The following RNF138 variants were observed in gnomAD, a reference collection of about 807,000 sequenced individuals.
RNF138 encodes the protein E3 ubiquitin-protein ligase RNF138.
A neutral mutation model predicts 31.0 loss-of-function variants in RNF138; 12 were observed. The observed-to-expected ratio is 0.39, with a 90% CI of 0.25 to 0.63. The LOEUF is 0.63. Among genes scored for constraint, RNF138 ranks in the 20% least tolerant of loss-of-function variants. RNF138 has a pLI of 0.52. For synonymous variants in RNF138, 105 were observed against 99.5 expected, an observed-to-expected ratio of 1.06 and a Z score of -0.33; for missense variants, 192 against 300.1, an observed-to-expected ratio of 0.64 and a Z score of 2.66.
At chr18:32,101,411 AAAT>A (rs2039938228) in intron 2 of RNF138, among the ~76,000 whole-genome samples, 1 of 151,306 alleles carries the variant, frequency 6.6e-6, no homozygotes, top group Admixed American at 6.6e-5. Flanking sequence ...ATATATTTTT[AAAT>A]TAGAGTCAGG....
intron 5 of RNF138, 55 bp from the exon 6 acceptor site, chr18:32,124,679 C>G: frequency 1.2e-6 from 1 of 845,636 alleles, no homozygotes; most frequent in Non-Finnish European, 2.0e-6. Flanking sequence ...AATAGGAGAG[C>G]GTTATTTTTG....
chr18:32,116,435 C>T (rs1027708032), intron 4 of RNF138, among the ~76,000 whole-genome samples: 9 of 150,538 alleles, frequency 6.0e-5, no homozygotes, highest in East Asian at 3.9e-4. Flanking sequence ...ATATCCTTTG[C>T]GGAGTTCTGA....
intron 4 of RNF138, among the ~76,000 whole-genome samples, chr18:32,117,191 C>G (rs887043891): frequency 1.3e-5 from 2 of 152,054 alleles, no homozygotes; most frequent in Non-Finnish European, 2.9e-5. Context: ...CATGAACCAC[C>G]CGCGCCCAGC....
intron 4 of RNF138, among the ~76,000 whole-genome samples, chr18:32,119,435 AT>A (rs1568237947): frequency 6.6e-6 from 1 of 150,764 alleles, no homozygotes; most frequent in Admixed American, 6.6e-5. Context: ...TATTTATTTT[AT>A]TTTTTTGAGA....
intron 6 of RNF138, 55 bp downstream of exon 6, chr18:32,124,900 T>C: frequency 2.3e-6 from 2 of 864,906 alleles, no homozygotes; most frequent in Non-Finnish European, 3.9e-6. Context: ...TGCTGTTCTA[T>C]TTATTTCACT....
intron 2 of RNF138, among the ~76,000 whole-genome samples, chr18:32,104,613 T>C (rs990074849): frequency 3.3e-5 from 5 of 152,116 alleles, no homozygotes; most frequent in African/African-American, 1.2e-4. Context: ...CAACAACATA[T>C]CTTTATACCA....
intron 2 of RNF138, among the ~76,000 whole-genome samples, chr18:32,094,844 T>C (rs2039776766): frequency 6.6e-6 from 1 of 152,224 alleles, no homozygotes; most frequent in African/African-American, 2.4e-5. Flanking sequence ...CTTTGGGTCA[T>C]TGACCTAATG....
intron 2 of RNF138, among the ~76,000 whole-genome samples, chr18:32,101,726 C>G (rs533663326): frequency 6.6e-6 from 1 of 152,094 alleles, no homozygotes; most frequent in Non-Finnish European, 1.5e-5. Context: ...GCCATTAGTA[C>G]TATAAAAGTA....
intron 4 of RNF138, among the ~76,000 whole-genome samples, chr18:32,120,235 C>T (rs186977040): frequency 9.2e-5 from 14 of 152,042 alleles, no homozygotes; most frequent in African/African-American, 3.1e-4. Context: ...TCAGTATTAC[C>T]CTGAATTTAA....
intron 2 of RNF138, among the ~76,000 whole-genome samples, chr18:32,098,218 C>G (rs572977836): frequency 9.2e-5 from 14 of 152,186 alleles, no homozygotes; most frequent in African/African-American, 3.4e-4. Context: ...GAACTCCAGG[C>G]TGGTTTTGAA....
intron 2 of RNF138, among the ~76,000 whole-genome samples, chr18:32,106,426 T>G (rs951315267): frequency 6.6e-6 from 1 of 152,220 alleles, no homozygotes; most frequent in African/African-American, 2.4e-5. Context: ...CACATCATTC[T>G]ATTTGTCATT....
chr18:32,097,311 A>G (rs2039826802), intron 2 of RNF138, among the ~76,000 whole-genome samples: 1 of 152,160 alleles, frequency 6.6e-6, no homozygotes, highest in Non-Finnish European at 1.5e-5. Context: ...TAAAAATGGA[A>G]ATCTAATCTG....
intron 7 of RNF138, among the ~76,000 whole-genome samples, chr18:32,127,721 G>A (rs1415275384): frequency 6.6e-6 from 1 of 152,102 alleles, no homozygotes; most frequent in African/African-American, 2.4e-5. Context: ...AATGTATTTG[G>A]AAATACAAAA....
At chr18:32,122,441 C>G (rs1389812315) in intron 4 of RNF138, 2 of 151,186 alleles carry the variant, frequency 1.3e-5, no homozygotes, top group Non-Finnish European at 2.9e-5. Context: ...GATATAGAAC[C>G]AACCTGTATT....
At chr18:32,105,199 C>G (rs1387478483) in intron 2 of RNF138, among the ~76,000 whole-genome samples, 1 of 152,158 alleles carries the variant, frequency 6.6e-6, no homozygotes, top group Non-Finnish European at 1.5e-5. Context: ...TTAAGTGATT[C>G]TCCTGCCTCA....
At position 32,108,586 on chromosome 18, in the gene RNF138, ATAGT is replaced by A. The variant is rs1237469494; in HGVS notation, c.111-3166_111-3163del. ...CATTCTTCTGTTGGCGGACCTATGT[ATAGT>A]TTTCAGTTTGGGGCTATTATAAATA... On this transcript the variant is annotated intron_variant, in intron 2 of 7. Transcript: ENST00000261593. 3.9e-5 allele frequency among the ~76,000 whole-genome samples: 6 copies of A among 152,266 alleles called. No individual in the cohort carries two copies. The South Asian group carries it at 1.2e-3, about 32-fold the overall frequency.
intron 2 of RNF138, among the ~76,000 whole-genome samples, chr18:32,104,897 C>G (rs1432441829): frequency 6.6e-6 from 1 of 151,820 alleles, no homozygotes; most frequent in African/African-American, 2.4e-5. Context: ...TTAAAAAATT[C>G]TAATAAAGAG....
intron 2 of RNF138, among the ~76,000 whole-genome samples, chr18:32,100,422 C>A (rs2039910551): frequency 6.6e-6 from 1 of 151,208 alleles, no homozygotes; most frequent in South Asian, 2.1e-4. Flanking sequence ...TTTAGCCTTC[C>A]CAGTAGCTGG....
intron 2 of RNF138, among the ~76,000 whole-genome samples, chr18:32,093,190 T>C (rs1314627701): frequency 1.3e-5 from 2 of 151,906 alleles, no homozygotes; most frequent in Admixed American, 1.3e-4. Context: ...GGCCGTTCCC[T>C]GCGGCGTCTT....
Sources: allele counts gnomAD v4.1 joint callset (sites outside exome capture counted in the v4.1 genomes callset), GRCh38; gene constraint gnomAD v4.1.1; transcripts MANE v1.5; gene names NCBI Gene and HGNC (gene_info 2026-07-23, HGNC 2026-07-21).